Variants in SHISA6 observed in about 807,000 individuals in gnomAD.
The protein encoded by SHISA6 is shisa family member 6.
Under a neutral mutation model 47.9 loss-of-function variants are expected in SHISA6, and 22 were observed. The ratio of observed to expected loss-of-function variants is 0.46; its 90% CI spans 0.33 to 0.66. SHISA6 has a LOEUF of 0.66. Among genes scored for constraint, SHISA6 ranks in the 30% least tolerant of loss-of-function variants. The probability of loss-of-function intolerance (pLI) is 0.02; values close to 1 mark genes in which losing one functional copy is unlikely to be tolerated. For missense variants in SHISA6, 680 were observed against 764.6 expected (o/e 0.89, Z 1.30); for synonymous variants, 388 against 337.8 (o/e 1.15, Z -1.63).
intron 2 of SHISA6, among the ~76,000 whole-genome samples, chr17:11,362,170 C>T (rs1244434322): frequency 6.6e-6 from 1 of 152,114 alleles, no homozygotes; most frequent in Non-Finnish European, 1.5e-5. Flanking sequence ...ATCTCAGTCT[C>T]ACTCTGTCAC....
intron 3 of SHISA6, among the ~76,000 whole-genome samples, chr17:11,541,164 C>G (rs2071830411): frequency 6.6e-6 from 1 of 152,180 alleles, no homozygotes. Context: ...TAGGTAGAGG[C>G]CCAGTACAGA....
intron 3 of SHISA6, among the ~76,000 whole-genome samples, chr17:11,417,655 A>G (rs1225057986): frequency 6.6e-6 from 1 of 152,238 alleles, no homozygotes; most frequent in Non-Finnish European, 1.5e-5. Flanking sequence ...TACAAAACAA[A>G]CATAGAAGGC....
intron 3 of SHISA6, among the ~76,000 whole-genome samples, chr17:11,422,735 C>T (rs186894255): frequency 3.0e-4 from 45 of 149,660 alleles, no homozygotes; most frequent in African/African-American, 1.1e-3. Context: ...TGCACTCCAG[C>T]CTGGGGTAAC....
intron 2 of SHISA6, among the ~76,000 whole-genome samples, chr17:11,376,894 G>A (rs1329445824): frequency 2.0e-5 from 3 of 152,188 alleles, no homozygotes; most frequent in Non-Finnish European, 4.4e-5. Flanking sequence ...CCGGGACCCT[G>A]CGATCTGTGC....
intron 3 of SHISA6, among the ~76,000 whole-genome samples, chr17:11,546,686 C>T (rs970483454): frequency 3.3e-5 from 5 of 151,996 alleles, no homozygotes; most frequent in East Asian, 1.9e-4. Flanking sequence ...TTTGGGAGGC[C>T]GGGCGGGTTG....
At chr17:11,472,091 T>C (rs1005640901) in intron 3 of SHISA6, among the ~76,000 whole-genome samples, 2 of 152,152 alleles carry the variant, frequency 1.3e-5, no homozygotes, top group African/African-American at 4.8e-5. Flanking sequence ...GCCGCACCTG[T>C]TCATCCCCCG....
chr17:11,421,536 T>TC (rs1350630178), intron 3 of SHISA6, among the ~76,000 whole-genome samples: 5 of 152,172 alleles, frequency 3.3e-5, no homozygotes, highest in Non-Finnish European at 7.4e-5. Flanking sequence ...ATTCGCTGTC[T>TC]CCATTTTACC....
chr17:11,558,474 G>T lies in SHISA6; in HGVS notation c.*170G>T. 2 of 696,506 alleles carry T rather than the reference G, an allele frequency of 2.9e-6. No homozygotes were observed. The highest frequency in any genetic ancestry group is 4.7e-6 in the Non-Finnish European group (2 of 423,634). 43.1% of individuals were successfully genotyped at this position (696,506 alleles called of 1,614,324 possible). ...GCCATACCCCCGGGGACACAGCCCC[G>T]ATGGCCTGGTCCAATACACTTAGAC... is the stretch of plus-strand genomic sequence containing the variant. On this transcript the variant is annotated 3_prime_UTR_variant, in exon 6 of 6. Transcript: ENST00000441885.
At chr17:11,405,818 T>G (rs1215265018) in intron 3 of SHISA6, among the ~76,000 whole-genome samples, 1 of 151,212 alleles carries the variant, frequency 6.6e-6, no homozygotes, top group Non-Finnish European at 1.5e-5. Context: ...AGAAAAAAAA[T>G]TGTGCAGCTC....
At chr17:11,337,715 G>A (rs1911374085) in intron 2 of SHISA6, among the ~76,000 whole-genome samples, 3 of 152,210 alleles carry the variant, frequency 2.0e-5, no homozygotes, top group South Asian at 4.2e-4. Context: ...TCATGACCTG[G>A]CTCTAGGAGA....
chr17:11,510,841 T>TA (rs2071535304), intron 3 of SHISA6, among the ~76,000 whole-genome samples: 1 of 152,156 alleles, frequency 6.6e-6, no homozygotes, highest in Non-Finnish European at 1.5e-5. Flanking sequence ...TGGTAGGCAT[T>TA]AGTGTTCTTG....
chr17:11,398,292 A>T (rs1050384013), intron 3 of SHISA6, among the ~76,000 whole-genome samples: 3 of 152,224 alleles, frequency 2.0e-5, no homozygotes, highest in Admixed American at 1.3e-4. Flanking sequence ...AGTACAAAAA[A>T]TACAATTTTA....
intron 2 of SHISA6, among the ~76,000 whole-genome samples, chr17:11,297,103 G>C (rs1000497605): frequency 5.3e-5 from 8 of 152,066 alleles, no homozygotes; most frequent in African/African-American, 1.7e-4. Context: ...CTTGGAAAAG[G>C]AGTAAAGAAA....
In SHISA6 at chr17:11,560,180, C is replaced by T. The variant is rs2072028516; in HGVS notation, c.*1876C>T. The T allele has an allele frequency of 6.6e-6, 1 of 152,202 alleles. No individual in the cohort carries two copies. Among genetic ancestry groups the T allele is most frequent in the African/African-American group, 2.4e-5 (1 of 41,440 alleles). The allele number at this position is 152,202 out of a possible 1,614,324, so 9.4% of individuals were successfully genotyped here. A position where few individuals can be genotyped will look rare whatever the true frequency, so the allele number is the denominator to read the frequency against. On this transcript the variant is annotated 3_prime_UTR_variant, in exon 6 of 6. Coordinates refer to ENST00000441885, the MANE Select transcript of SHISA6 (RefSeq NM_207386.4). Reference sequence around the variant, plus strand: ...TTCACTGATTTCAAGAGTTCCAAAGCTCTCATCTCCTTCTCCCCTCTGCAG... The same window carrying T: ...TTCACTGATTTCAAGAGTTCCAAAGTTCTCATCTCCTTCTCCCCTCTGCAG...
chr17:11,300,199 C>T (rs1200725478), intron 2 of SHISA6, among the ~76,000 whole-genome samples: 1 of 149,428 alleles, frequency 6.7e-6, no homozygotes, highest in Non-Finnish European at 1.5e-5. Flanking sequence ...AGAAAGGCAA[C>T]ACCTTCACAG....
At chr17:11,555,714 C>T in intron 4 of SHISA6, 26 bp from the exon 5 acceptor site, 1 of 1,509,840 alleles carries the variant, frequency 6.6e-7, no homozygotes, top group Non-Finnish European at 8.9e-7. Context: ...CTCATTAATA[C>T]AAAACACCCC....
intron 3 of SHISA6, among the ~76,000 whole-genome samples, chr17:11,411,260 G>A (rs1231960464): frequency 3.9e-5 from 6 of 152,016 alleles, no homozygotes; most frequent in Admixed American, 2.6e-4. Context: ...GAGCCACCGC[G>A]CCTGGCCTCA....
intron 3 of SHISA6, among the ~76,000 whole-genome samples, chr17:11,480,180 A>G (rs1916174768): frequency 6.6e-6 from 1 of 152,168 alleles, no homozygotes; most frequent in Admixed American, 6.5e-5. Flanking sequence ...CTCTACAGGT[A>G]AGAGTCCCAC....
Position 11,533,974 on chromosome 17 carries a change from T to G in SHISA6, c.896-17922T>G, listed in dbSNP as rs1030893658. Among the ~76,000 whole-genome samples, 3 of 150,612 alleles carry G rather than the reference T, an allele frequency of 2.0e-5. No individual in the cohort carries two copies. In the East Asian group the frequency reaches 5.9e-4, roughly 30 times the overall value. The stretch of plus-strand genomic sequence containing the variant: ...CAGACTAGTATTTATTCTAACTTTT[T>G]TTTGTTTGTTTTTGTTTTTTGAGAT... On this transcript the variant is annotated intron_variant, in intron 3 of 5. Coordinates refer to ENST00000441885, the MANE Select transcript of SHISA6 (RefSeq NM_207386.4).
Sources: gnomAD v4.1 joint callset for allele counts (sites outside exome capture counted in the v4.1 genomes callset) on GRCh38, gnomAD v4.1.1 for gene constraint, MANE v1.5 for transcripts, NCBI Gene and HGNC (gene_info 2026-07-23, HGNC 2026-07-21) for gene names.